The following MME variants were observed in gnomAD, a reference collection of about 807,000 sequenced individuals.
MME encodes membrane metalloendopeptidase.
Under a neutral mutation model 113.2 loss-of-function variants are expected in MME, and 98 were observed. The observed-to-expected ratio is 0.87, with a 90% CI of 0.74 to 1.02. MME has a LOEUF of 1.02. Among genes scored for constraint, MME ranks in the 50% least tolerant of loss-of-function variants. The probability of loss-of-function intolerance (pLI) is 0.00; values close to 1 mark genes in which losing one functional copy is unlikely to be tolerated. For synonymous variants in MME, 292 were observed against 300.6 expected (o/e 0.97, Z 0.30); for missense variants, 836 against 896.0 (o/e 0.93, Z 0.86).
chr3:155,147,354 A>G (rs1721599002), intron 15 of MME, 130 bp downstream of exon 15: 1 of 684,988 alleles, frequency 1.5e-6, no homozygotes, highest in African/African-American at 1.8e-5. Flanking sequence ...TAAAGCCTTC[A>G]ACGCTGGTGC....
At chr3:155,077,438 T>A (rs1026951063), upstream of MME, among the ~76,000 whole-genome samples, 4 of 152,168 alleles carry the variant, frequency 2.6e-5, no homozygotes, top group Admixed American at 2.6e-4. Context: ...CTAAATTTAC[T>A]TACTGTAAAT....
chr3:155,157,765 T>C (rs1205094103), intron 16 of MME, among the ~76,000 whole-genome samples: 7 of 152,092 alleles, frequency 4.6e-5, no homozygotes, highest in Non-Finnish European at 1.0e-4. Context: ...TCAAGAAAGA[T>C]CTCAAAGAAG....
At position 155,140,134 on chromosome 3, in the gene MME, TA is replaced by T; in HGVS notation, c.856-56del. 4.1e-6 allele frequency: 5 copies of T among 1,222,222 alleles called. No individual in the cohort carries two copies. In the South Asian group the frequency reaches 6.4e-5, roughly 16 times the overall value. The allele number at this position is 1,222,222 out of a possible 1,614,324, so 75.7% of individuals were successfully genotyped here. A position where few individuals can be genotyped will look rare whatever the true frequency, so the allele number is the denominator to read the frequency against. ...CTATATTTTTACCCTCATATGTAGTTATATTTTTCTAAAGAATTCTTAATTC... is the reference window on the plus strand; with the variant it reads ...CTATATTTTTACCCTCATATGTAGTTTATTTTTCTAAAGAATTCTTAATTC... On this transcript the variant is annotated intron_variant, in intron 9 of 22. Transcript: ENST00000360490.
chr3:155,140,295 A>G lies in MME; in HGVS notation c.957+3A>G, dbSNP rs201526630. 5.1e-5 allele frequency: 81 copies of G among 1,589,978 alleles called. No individual in the cohort carries two copies. Among genetic ancestry groups the G allele is most frequent in the Non-Finnish European group, 6.2e-5 (72 of 1,159,038 alleles). ...TTTCACTAGAGATCAATGGGAAGGT[A>G]AGTGGTAAGTTTTTTGTGCTCTCTT... On this transcript the variant is annotated splice_donor_region_variant and intron_variant, in intron 10 of 22. Transcript: ENST00000360490.
rs771921345 is a variant in MME at position 155,172,617 on chromosome 3, G to A, written c.2153+5G>A. On this transcript the variant is annotated splice_donor_5th_base_variant and intron_variant, in intron 22 of 22. Coordinates refer to ENST00000360490, the MANE Select transcript of MME (RefSeq NM_007289.4). Reference sequence around the variant, plus strand: ...GCACAGTCCAGGCAATTTCAGGTGCGTGGATATGAACAGCAATCAAGGTGC... The same window carrying A: ...GCACAGTCCAGGCAATTTCAGGTGCATGGATATGAACAGCAATCAAGGTGC... 15 of 1,606,228 alleles carry A rather than the reference G, an allele frequency of 9.3e-6. No homozygotes were observed. Among genetic ancestry groups the A allele is most frequent in the East Asian group, 4.5e-5 (2 of 44,776 alleles).
chr3:155,169,842 G>A (rs1043055721), intron 20 of MME, among the ~76,000 whole-genome samples: 2 of 152,114 alleles, frequency 1.3e-5, no homozygotes, highest in Non-Finnish European at 2.9e-5. Flanking sequence ...TCAGGGAAGA[G>A]GAAGCACCAG....
intron 3 of MME, among the ~76,000 whole-genome samples, chr3:155,098,717 G>A (rs997023416): frequency 3.3e-5 from 5 of 152,088 alleles, no homozygotes; most frequent in Non-Finnish European, 5.9e-5. Context: ...AGATTTCAGA[G>A]GTACAACTGT....
intron 17 of MME, among the ~76,000 whole-genome samples, chr3:155,166,694 T>TAA (rs1390724659): frequency 1.3e-5 from 2 of 152,162 alleles, no homozygotes; most frequent in Admixed American, 1.3e-4. Context: ...TACAGAAGGT[T>TAA]TTTGTATATA....
At chr3:155,067,156 T>C (rs2108141297) in intron 1 of MME, among the ~76,000 whole-genome samples, 1 of 151,088 alleles carries the variant, frequency 6.6e-6, no homozygotes, top group South Asian at 2.1e-4. Flanking sequence ...AGACTTTATT[T>C]GTAGTTATTA....
At chr3:155,042,934 A>G (rs184454073) in intron 1 of MME, among the ~76,000 whole-genome samples, 2,999 of 60,816 alleles carry the variant, frequency 0.049, 62 homozygotes, top group African/African-American at 0.14. Context: ...ATATATATAT[A>G]TATATGTATA....
chr3:155,163,012 CAAA>C (rs57700088), intron 17 of MME, among the ~76,000 whole-genome samples: 8 of 78,282 alleles, frequency 1.0e-4, no homozygotes, highest in South Asian at 4.2e-4. Context: ...AACTCTGTCT[CAAA>C]AAAAAAAAAA....
intron 22 of MME, among the ~76,000 whole-genome samples, chr3:155,174,715 C>T (rs190896176): frequency 1.8e-4 from 27 of 152,030 alleles, no homozygotes; most frequent in Admixed American, 1.6e-3. Flanking sequence ...ACCATATTTG[C>T]TATGTCTAAC....
rs140712955 is a variant in MME at position 155,029,210 on chromosome 3, T to G, written c.-11+4886T>G. ...AAAGGAGGAAACCAAATTTTACTTT[T>G]GTATTAGTGTATTATCAATACTAAA... On this transcript the variant is annotated intron_variant, in intron 1 of 22. Coordinates refer to the MME transcript ENST00000492661. Among the ~76,000 whole-genome samples, 96 of 152,250 alleles carry G rather than the reference T, an allele frequency of 6.3e-4. 2 individuals carry two copies. In the East Asian group the frequency reaches 0.015, roughly 24 times the overall value.
chr3:155,026,903 A>G (rs2108110680), intron 1 of MME, among the ~76,000 whole-genome samples: 1 of 152,316 alleles, frequency 6.6e-6, no homozygotes, highest in South Asian at 2.1e-4. Context: ...GTCTTTAAAC[A>G]AAACAAGAGT....
intron 3 of MME, chr3:155,085,618 G>A (rs147421283): frequency 0.043 from 6,564 of 152,390 alleles, 166 homozygotes; most frequent in Non-Finnish European, 0.05. Context: ...TGCAATCTCC[G>A]CCTCCCGGGT....
chr3:155,068,786 T>C (rs565310918), intron 1 of MME, among the ~76,000 whole-genome samples: 1 of 152,256 alleles, frequency 6.6e-6, no homozygotes, highest in East Asian at 1.9e-4. Flanking sequence ...TGAATTGAGA[T>C]CAAGAAAAGA....
At chr3:155,054,574 C>A (rs1185013647) in intron 1 of MME, among the ~76,000 whole-genome samples, 1 of 152,188 alleles carries the variant, frequency 6.6e-6, no homozygotes, top group South Asian at 2.1e-4. Flanking sequence ...GCAATCCCAG[C>A]ACTTTGGGAG....
intron 8 of MME, among the ~76,000 whole-genome samples, chr3:155,136,760 C>T (rs973185661): frequency 3.3e-5 from 5 of 152,084 alleles, no homozygotes; most frequent in Non-Finnish European, 7.4e-5. Flanking sequence ...ATGTTCCTTC[C>T]ACTTCTAATT....
At position 155,172,561 on chromosome 3, in the gene MME, A is replaced by G. The variant is rs748489041; in HGVS notation, c.2102A>G (p.Glu701Gly). The stretch of plus-strand genomic sequence containing the variant: ...GTGTGGTGTGGAACCTATAGGCCAG[A>G]GTATGCGGTTAACTCCATTAAAACA... Reference protein sequence around the residue: ...AQVWCGTYRPEYAVNSIKTDV... With the variant: ...AQVWCGTYRPGYAVNSIKTDV... The change falls in exon 22 of 23, where the codon GAG (glutamate) becomes GGG (glycine). Residue 701 changes from glutamate to glycine, a missense_variant. Coordinates refer to ENST00000360490, the MANE Select transcript of MME (RefSeq NM_007289.4). 5 of 1,612,934 alleles carry G rather than the reference A, an allele frequency of 3.1e-6. No homozygotes were observed. The highest frequency in any genetic ancestry group is 3.3e-5 in the Admixed American group (2 of 59,976).
Sources: gnomAD v4.1 joint callset for allele counts (sites outside exome capture counted in the v4.1 genomes callset) on GRCh38, gnomAD v4.1.1 for gene constraint, MANE v1.5 for transcripts, NCBI Gene and HGNC (gene_info 2026-07-23, HGNC 2026-07-21) for gene names.